The following ADAM17 variants were observed in gnomAD, a reference collection of about 807,000 sequenced individuals.
The protein encoded by ADAM17 is disintegrin and metalloproteinase domain-containing protein 17.
Under a neutral mutation model 96.7 loss-of-function variants are expected in ADAM17, and 39 were observed. The ratio of observed to expected loss-of-function variants is 0.40; its 90% confidence interval spans 0.31 to 0.53. The LOEUF (loss-of-function observed/expected upper bound fraction) is 0.53, where lower values mean the gene tolerates loss of function less well. Ranked by LOEUF, ADAM17 falls within the 20% of genes least tolerant of loss-of-function variation. The probability of loss-of-function intolerance (pLI) is 0.44; values close to 1 mark genes in which losing one functional copy is unlikely to be tolerated. For missense variants in ADAM17, 777 were observed against 1,013.2 expected, an observed-to-expected ratio of 0.77 and a Z score of 3.17; for synonymous variants, 344 against 359.2, an observed-to-expected ratio of 0.96 and a Z score of 0.48.
intron 3 of ADAM17, among the ~76,000 whole-genome samples, chr2:9,536,216 G>C (rs565592114): frequency 5.0e-4 from 76 of 152,276 alleles, no homozygotes; most frequent in African/African-American, 1.8e-3. Flanking sequence ...AAGAGAGACA[G>C]AAAGCATGAT....
At chr2:9,554,738 T>C (rs1038103992) in intron 1 of ADAM17, among the ~76,000 whole-genome samples, 1 of 152,166 alleles carries the variant, frequency 6.6e-6, no homozygotes, top group Non-Finnish European at 1.5e-5. Context: ...CCTTAATGCA[T>C]CTCCATCCTT....
Position 9,518,259 on chromosome 2 carries a change from C to CA in ADAM17, c.958-13dup, listed in dbSNP as rs34863481. Reference sequence around the variant, plus strand: ...TCAAAGCTAAATTGCTTTGAAAGACCAAAAAAAAAAAAAAAAAAAAAAGCA... The same window carrying CA: ...TCAAAGCTAAATTGCTTTGAAAGACCAAAAAAAAAAAAAAAAAAAAAAAGCA... On this transcript the variant is annotated splice_polypyrimidine_tract_variant and intron_variant, in intron 8 of 18. Transcript: ENST00000310823. 0.24 allele frequency: 193,810 copies of CA among 797,402 alleles called. 6,004 individuals carry two copies. Among genetic ancestry groups the CA allele is most frequent in the African/African-American group, 0.26 (8,077 of 31,672 alleles). The allele number at this position is 797,402 out of a possible 1,614,324, so 49.4% of individuals were successfully genotyped here.
chr2:9,518,380 C>T, intron 8 of ADAM17, 133 bp from the exon 9 acceptor site: 1 of 1,113,492 alleles, frequency 9.0e-7, no homozygotes, highest in Admixed American at 3.5e-5. Flanking sequence ...TCAGCACCAG[C>T]AATCACAACC....
At chr2:9,543,704 G>A (rs1426950780) in intron 1 of ADAM17, among the ~76,000 whole-genome samples, 1 of 152,144 alleles carries the variant, frequency 6.6e-6, no homozygotes, top group African/African-American at 2.4e-5. Flanking sequence ...ACTCATGTGT[G>A]GAAGCTAAAA....
At position 9,518,238 on chromosome 2, in the gene ADAM17, A is replaced by C. The variant is rs1664151598; in HGVS notation, c.967T>G (p.Phe323Val). 6.6e-6 allele frequency: 10 copies of C among 1,504,152 alleles called. No individual in the cohort carries two copies. The highest frequency in any genetic ancestry group is 8.9e-6 in the Non-Finnish European group (10 of 1,126,782). The allele number at this position is 1,504,152 out of a possible 1,614,324, so 93.2% of individuals were successfully genotyped here. A position where few individuals can be genotyped will look rare whatever the true frequency, so the allele number is the denominator to read the frequency against. ...DVKMLLEQFSFDIAEEASKVC... is the reference protein window; with the variant it reads ...DVKMLLEQFSVDIAEEASKVC... Reference sequence around the variant, plus strand: ...TTAGATGCTTCCTCAGCTATATCAAAGCTAAATTGCTTTGAAAGACCAAAA... The same window carrying C: ...TTAGATGCTTCCTCAGCTATATCAACGCTAAATTGCTTTGAAAGACCAAAA... Residue 323 changes from phenylalanine to valine, a missense_variant, in exon 9 of 19, where the codon TTT becomes GTT. This residue lies in a region of ADAM17 where 446 missense variants were observed against 664.7 expected (regional missense o/e 0.67). Coordinates refer to ENST00000310823, the MANE Select transcript of ADAM17 (RefSeq NM_003183.6).
chr2:9,500,014 T>G (rs1454021468), intron 13 of ADAM17, among the ~76,000 whole-genome samples: 1 of 152,178 alleles, frequency 6.6e-6, no homozygotes, highest in Non-Finnish European at 1.5e-5. Context: ...CCTCAAAAGA[T>G]TAAGCATAGT....
intron 14 of ADAM17, among the ~76,000 whole-genome samples, chr2:9,496,128 C>T (rs915414460): frequency 6.6e-6 from 1 of 151,644 alleles, no homozygotes; most frequent in South Asian, 2.1e-4. Context: ...TTATTTTTTA[C>T]TTATTTATTT....
intron 7 of ADAM17, 193 bp from the exon 8 acceptor site, chr2:9,521,509 T>C (rs531954800): frequency 6.7e-6 from 2 of 300,496 alleles, no homozygotes; most frequent in African/African-American, 4.4e-5. Context: ...ATGGAAAACA[T>C]ATGTCAATGA....
At chr2:9,512,071 C>A (rs1002562910) in intron 10 of ADAM17, among the ~76,000 whole-genome samples, 1 of 151,694 alleles carries the variant, frequency 6.6e-6, no homozygotes, top group Non-Finnish European at 1.5e-5. Context: ...TCCATAGAAC[C>A]TGAAAAAATA....
chr2:9,524,050 T>C (rs1382099128), intron 6 of ADAM17, among the ~76,000 whole-genome samples: 2 of 151,916 alleles, frequency 1.3e-5, no homozygotes, highest in Non-Finnish European at 2.9e-5. Flanking sequence ...TTTTTTTTTT[T>C]TTTATGATTT....
chr2:9,509,112 G>T (rs1283027019), intron 11 of ADAM17, among the ~76,000 whole-genome samples: 1 of 152,168 alleles, frequency 6.6e-6, no homozygotes, highest in Non-Finnish European at 1.5e-5. Context: ...GTCCAGGGAA[G>T]GCTTGCACAT....
chr2:9,530,722 T>G (rs1664702327), intron 4 of ADAM17, among the ~76,000 whole-genome samples: 1 of 152,180 alleles, frequency 6.6e-6, no homozygotes, highest in Non-Finnish European at 1.5e-5. Flanking sequence ...CTCAGGTATG[T>G]TACTTTTATT....
chr2:9,517,956 T>C lies in ADAM17; in HGVS notation c.1136A>G (p.Tyr379Cys), dbSNP rs762120954. The change falls in exon 10 of 19, where the codon TAT (tyrosine) becomes TGT (cysteine). Residue 379 changes from tyrosine (Y) to cysteine (C), a missense_variant. Tyr to Cys is a radical substitution (Grantham distance 194, BLOSUM62 -2). Around this residue, in one of 3 missense-constraint regions of ADAM17, gnomAD observed 446 missense variants for 664.7 expected, o/e 0.67. Coordinates refer to ENST00000310823, the MANE Select transcript of ADAM17 (RefSeq NM_003183.6). ...YYSPVGKKNI[Y>C]LNSGLTSTKN... is the part of the protein sequence containing the mutation. ...TGTGCTCGTCAAACCACTATTCAAATAGATATTTTTCTTCCCAACTGGGCT... is the reference window on the plus strand; with the variant it reads ...TGTGCTCGTCAAACCACTATTCAAACAGATATTTTTCTTCCCAACTGGGCT... 6.9e-6 allele frequency: 11 copies of C among 1,605,024 alleles called. No individual in the cohort carries two copies. The East Asian group carries it at 1.8e-4, about 26-fold the overall frequency.
At chr2:9,522,812 G>A (rs1283754208) in intron 7 of ADAM17, among the ~76,000 whole-genome samples, 1 of 152,076 alleles carries the variant, frequency 6.6e-6, no homozygotes, top group Non-Finnish European at 1.5e-5. Context: ...CAAGAAATCA[G>A]AAGGAGATAT....
chr2:9,503,720 C>T (rs1290702634), intron 12 of ADAM17, among the ~76,000 whole-genome samples: 1 of 151,900 alleles, frequency 6.6e-6, no homozygotes, highest in Non-Finnish European at 1.5e-5. Context: ...ACACTGTAAT[C>T]CCAGCTACTG....
At chr2:9,533,876 A>C (rs1664849819) in intron 4 of ADAM17, among the ~76,000 whole-genome samples, 1 of 152,198 alleles carries the variant, frequency 6.6e-6, no homozygotes, top group Admixed American at 6.5e-5. Flanking sequence ...AGAGTAAGAA[A>C]AAACTTTGCT....
At chr2:9,542,292 C>A (rs1665236728) in intron 2 of ADAM17, among the ~76,000 whole-genome samples, 1 of 152,166 alleles carries the variant, frequency 6.6e-6, no homozygotes, top group African/African-American at 2.4e-5. Context: ...GTAATCCCAG[C>A]ACTTTGGGAG....
rs1663323566 is a variant in ADAM17, at chr2:9,505,324, A to G, written c.1386T>C (p.Ile462=). The G allele has an allele frequency of 1.2e-6, 2 of 1,614,038 alleles. No individual in the cohort carries two copies. Among genetic ancestry groups the G allele is most frequent in the African/African-American group, 2.7e-5 (2 of 74,922 alleles). Residue 462 remains isoleucine, a synonymous_variant, in exon 12 of 19, where the codon ATT becomes ATC. Transcript: ENST00000310823. ...NCSKQSIYKT[I]ESKAQECFQE... ...GAAAACACTCCTGGGCCTTACTTTC[A>G]ATGGTCTTATAGATTGATTGTTTAC...
chr2:9,524,964 A>G (rs1343862359), intron 6 of ADAM17, among the ~76,000 whole-genome samples: 2 of 152,172 alleles, frequency 1.3e-5, no homozygotes, highest in Non-Finnish European at 2.9e-5. Context: ...AAAAAATACA[A>G]TTTTTAAGAC....
Sources: gnomAD v4.1 joint callset for allele counts (sites outside exome capture counted in the v4.1 genomes callset) on GRCh38, gnomAD v4.1.1 for gene constraint, gnomAD v4.1.1 regional missense constraint, MANE v1.5 for transcripts, NCBI Gene and HGNC (gene_info 2026-07-23, HGNC 2026-07-21) for gene names.